Variants in PGCKA1 observed in about 807,000 individuals in gnomAD.
PGCKA1 encodes the protein PDCD10 and GCKIII kinases-associated protein 1.
the PGCKA1 span, among the ~76,000 whole-genome samples, chr4:37,521,073 A>G: frequency 6.6e-6 from 1 of 151,400 alleles, no homozygotes; most frequent in Non-Finnish European, 1.5e-5. Flanking sequence ...TTCTCCTCTG[A>G]TCTTCATTAT....
chr4:37,568,969 T>C, the PGCKA1 span, among the ~76,000 whole-genome samples: 129 of 151,908 alleles, frequency 8.5e-4, no homozygotes, highest in Admixed American at 1.6e-3. Flanking sequence ...CGGTGGCGTG[T>C]GCATGTAGTT....
the PGCKA1 span, among the ~76,000 whole-genome samples, chr4:37,462,780 G>T: frequency 6.6e-6 from 1 of 151,818 alleles, no homozygotes; most frequent in Non-Finnish European, 1.5e-5. Flanking sequence ...CATAGATGAG[G>T]TCAGGAGATC....
At chr4:37,590,909 G>T in the PGCKA1 span, 1 of 1,614,242 alleles carries the variant, frequency 6.2e-7, no homozygotes, top group South Asian at 1.1e-5. Flanking sequence ...GATGGGGATG[G>T]GGAGATTGTG....
chr4:37,564,644 T>G, the PGCKA1 span, among the ~76,000 whole-genome samples: 5,056 of 152,080 alleles, frequency 0.033, 230 homozygotes, highest in East Asian at 0.14. Context: ...GTAGCTGAGA[T>G]TACAGGTGTC....
the PGCKA1 span, among the ~76,000 whole-genome samples, chr4:37,495,322 T>C: frequency 3.9e-5 from 6 of 152,160 alleles, no homozygotes; most frequent in African/African-American, 1.4e-4. Flanking sequence ...GAAGACAGTA[T>C]GGAGATTCCT....
At chr4:37,506,958 C>T in the PGCKA1 span, among the ~76,000 whole-genome samples, 1 of 152,086 alleles carries the variant, frequency 6.6e-6, no homozygotes. Flanking sequence ...TATCTGGGTG[C>T]TTCAGTCCTA....
At chr4:37,507,745 T>C in the PGCKA1 span, among the ~76,000 whole-genome samples, 1 of 152,206 alleles carries the variant, frequency 6.6e-6, no homozygotes, top group South Asian at 2.1e-4. Context: ...TTCTGTATTT[T>C]TCTGTGTGCT....
chr4:37,591,508 A>G, the PGCKA1 span: 3 of 152,846 alleles, frequency 2.0e-5, no homozygotes, highest in Non-Finnish European at 4.4e-5. Flanking sequence ...AACTTCAGGG[A>G]CAATCACCCA....
the PGCKA1 span, among the ~76,000 whole-genome samples, chr4:37,587,490 A>G: frequency 2.0e-5 from 3 of 152,178 alleles, no homozygotes; most frequent in East Asian, 1.9e-4. Flanking sequence ...AGCACCAGTC[A>G]TATTCACTGT....
the PGCKA1 span, among the ~76,000 whole-genome samples, chr4:37,580,305 A>AT: frequency 0.67 from 86,972 of 130,706 alleles, 31,492 homozygotes; most frequent in Non-Finnish European, 0.81. Flanking sequence ...CGGTGAGGTC[A>AT]TTTTTTTTTT....
chr4:37,515,772 G>A, the PGCKA1 span, among the ~76,000 whole-genome samples: 1 of 152,254 alleles, frequency 6.6e-6, no homozygotes, highest in South Asian at 2.1e-4. Context: ...TAAATACAGG[G>A]ATTACTGAAA....
At chr4:37,591,894 A>G in the PGCKA1 span, 1 of 152,284 alleles carries the variant, frequency 6.6e-6, no homozygotes, top group Admixed American at 6.5e-5. Flanking sequence ...GTGACCCTGG[A>G]TGTTACTTTC....
At chr4:37,571,356 T>TTTTTTTCC in the PGCKA1 span, among the ~76,000 whole-genome samples, 368 of 11,348 alleles carry the variant, frequency 0.032, 11 homozygotes, top group African/African-American at 0.12. Context: ...ACTATTATCC[T>TTTTTTTCC]TTTTTTTTTT....
chr4:37,470,627 A>C, the PGCKA1 span, among the ~76,000 whole-genome samples: 1 of 152,232 alleles, frequency 6.6e-6, no homozygotes, highest in Admixed American at 6.5e-5. Context: ...GTTTAAGAGA[A>C]GATGGCTCAG....
chr4:37,489,385 G>GT, the PGCKA1 span, among the ~76,000 whole-genome samples: 1 of 151,986 alleles, frequency 6.6e-6, no homozygotes, highest in African/African-American at 2.4e-5. Flanking sequence ...TTATGTCTCT[G>GT]TTTTTTTGCC....
the PGCKA1 span, among the ~76,000 whole-genome samples, chr4:37,575,425 C>G: frequency 2.6e-5 from 4 of 152,006 alleles, no homozygotes; most frequent in Non-Finnish European, 5.9e-5. Flanking sequence ...AGATATTTTG[C>G]CCATTTTTAA....
At chr4:37,539,931 T>C in the PGCKA1 span, among the ~76,000 whole-genome samples, 1 of 152,212 alleles carries the variant, frequency 6.6e-6, no homozygotes, top group Non-Finnish European at 1.5e-5. Context: ...TTATCATTTC[T>C]TTATCATAAG....
At chr4:37,454,272 G>A in the PGCKA1 span, among the ~76,000 whole-genome samples, 1 of 152,198 alleles carries the variant, frequency 6.6e-6, no homozygotes, top group South Asian at 2.1e-4. Context: ...ACTCGGGTGG[G>A]GGGAGGCGGA....
chr4:37,502,720 A>T, the PGCKA1 span, among the ~76,000 whole-genome samples: 1 of 152,084 alleles, frequency 6.6e-6, no homozygotes, highest in Non-Finnish European at 1.5e-5. Context: ...CGGGCCAGGG[A>T]GATGCTGCAG....
Sources: gnomAD v4.1 joint callset for allele counts (sites outside exome capture counted in the v4.1 genomes callset) on GRCh38, gnomAD v4.1.1 for gene constraint, MANE v1.5 for transcripts, NCBI Gene and HGNC (gene_info 2026-07-23, HGNC 2026-07-21) for gene names.